Variants in CSMD1 observed in about 807,000 individuals in gnomAD.
The protein encoded by CSMD1 is CUB and Sushi multiple domains 1.
Under a neutral mutation model 417.5 loss-of-function variants are expected in CSMD1, and 213 were observed. That is an observed-to-expected ratio of 0.51 (90% CI 0.46 to 0.57). The LOEUF (loss-of-function observed/expected upper bound fraction) is 0.57. CSMD1 is among the 20% of genes least tolerant of loss of function. The pLI, the probability that CSMD1 is intolerant of heterozygous loss-of-function variation, is 0.00. For missense variants in CSMD1, 6,923 were observed against 4,529.7 expected, an observed-to-expected ratio of 1.53 and a Z score of -15.17; for synonymous variants, 2,862 against 1,736.8, an observed-to-expected ratio of 1.65 and a Z score of -16.11.
At chr8:4,098,417 G>C (rs192501442) in intron 3 of CSMD1, among the ~76,000 whole-genome samples, 2 of 151,598 alleles carry the variant, frequency 1.3e-5, no homozygotes, top group Admixed American at 1.3e-4. Flanking sequence ...TTTTTTCAGG[G>C]TCATGTTACA....
chr8:3,981,673 G>A (rs137948516), intron 5 of CSMD1, among the ~76,000 whole-genome samples: 9 of 151,822 alleles, frequency 5.9e-5, no homozygotes, highest in African/African-American at 2.2e-4. Context: ...TTCCTTCTTT[G>A]ACGTTAATTG....
At chr8:4,534,124 A>C (rs1160971222) in intron 2 of CSMD1, among the ~76,000 whole-genome samples, 1 of 152,188 alleles carries the variant, frequency 6.6e-6, no homozygotes, top group Non-Finnish European at 1.5e-5. Flanking sequence ...AAGCTATCTT[A>C]ATGGCATTTG....
At chr8:3,889,536 C>A (rs1806810113) in intron 5 of CSMD1, among the ~76,000 whole-genome samples, 1 of 99,340 alleles carries the variant, frequency 1.0e-5, no homozygotes, top group African/African-American at 3.2e-5. Context: ...TATATACATA[C>A]ACACATATGT....
chr8:3,814,062 G>T, intron 5 of CSMD1, among the ~76,000 whole-genome samples: 1 of 152,126 alleles, frequency 6.6e-6, no homozygotes. Context: ...TTATTATTCT[G>T]CAAAATGTGT....
intron 2 of CSMD1, among the ~76,000 whole-genome samples, chr8:4,493,215 C>CA (rs898893129): frequency 3.3e-5 from 5 of 151,894 alleles, no homozygotes; most frequent in Admixed American, 2.6e-4. Flanking sequence ...ATTGGAAGCA[C>CA]AAAAATATAT....
intron 26 of CSMD1, among the ~76,000 whole-genome samples, chr8:3,255,157 T>G (rs1241847965): frequency 6.6e-6 from 1 of 152,182 alleles, no homozygotes; most frequent in African/African-American, 2.4e-5. Flanking sequence ...TTTGCCTGGG[T>G]ATCAGTAGCA....
At chr8:4,449,869 T>C (rs926665034) in intron 2 of CSMD1, among the ~76,000 whole-genome samples, 4 of 152,150 alleles carry the variant, frequency 2.6e-5, no homozygotes, top group African/African-American at 9.7e-5. Context: ...CCCAGTTTCT[T>C]TACTTAGCAA....
chr8:3,373,039 T>C (rs1183567863), intron 18 of CSMD1, among the ~76,000 whole-genome samples: 1 of 152,244 alleles, frequency 6.6e-6, no homozygotes, highest in East Asian at 1.9e-4. Context: ...ATCACCATAA[T>C]GAATGTAAAA....
At position 3,294,219 on chromosome 8, in the gene CSMD1, G is replaced by T. The variant is rs183725307; in HGVS notation, c.3951-9873C>A. Among the ~76,000 whole-genome samples the T allele has an allele frequency of 1.8e-3, 233 of 130,348 alleles. 3 individuals carry two copies. In the East Asian group the frequency reaches 0.033, roughly 18 times the overall value. 85.5% of individuals were successfully genotyped at this position (130,348 alleles called of 152,430 possible). A position where few individuals can be genotyped will look rare whatever the true frequency, so the allele number is the denominator to read the frequency against. ...CTCAGAGTACCAGGCCGTGTGAGGTGTCTGTTGGCCCCTACTGGGGGGTGC... is the reference window on the plus strand; with the variant it reads ...CTCAGAGTACCAGGCCGTGTGAGGTTTCTGTTGGCCCCTACTGGGGGGTGC... On this transcript the variant is annotated intron_variant, in intron 25 of 69. Transcript: ENST00000635120.
chr8:3,116,002 C>A (rs10216830), intron 42 of CSMD1, among the ~76,000 whole-genome samples: 2,415 of 152,236 alleles, frequency 0.016, 60 homozygotes, highest in African/African-American at 0.054. Context: ...ACTGGGTTGT[C>A]AGCAGTGTTT....
intron 4 of CSMD1, among the ~76,000 whole-genome samples, chr8:4,021,382 T>C (rs1796781023): frequency 6.6e-6 from 1 of 152,216 alleles, no homozygotes; most frequent in East Asian, 1.9e-4. Flanking sequence ...GATTTTTAAC[T>C]TCATCTGTGG....
At chr8:4,312,056 T>C (rs1798613970) in intron 3 of CSMD1, among the ~76,000 whole-genome samples, 2 of 152,150 alleles carry the variant, frequency 1.3e-5, no homozygotes, top group South Asian at 2.1e-4. Context: ...CATTTCTAGC[T>C]AGTAAAGAAA....
chr8:4,722,792 G>C (rs1465946285), intron 1 of CSMD1, among the ~76,000 whole-genome samples: 1 of 152,262 alleles, frequency 6.6e-6, no homozygotes, highest in East Asian at 1.9e-4. Context: ...AATATTTCAG[G>C]AATACTTGTT....
chr8:4,185,904 C>T (rs1185234824), intron 3 of CSMD1, among the ~76,000 whole-genome samples: 2 of 152,124 alleles, frequency 1.3e-5, no homozygotes, highest in African/African-American at 4.8e-5. Context: ...TGTTTGTAAA[C>T]TGTTATTACG....
chr8:4,153,461 G>A (rs1320507243), intron 3 of CSMD1, among the ~76,000 whole-genome samples: 2 of 152,194 alleles, frequency 1.3e-5, no homozygotes, highest in African/African-American at 2.4e-5. Context: ...CAGTGGATAA[G>A]GTTCTGCAGC....
chr8:4,473,876 A>T (rs1800662095), intron 2 of CSMD1, among the ~76,000 whole-genome samples: 1 of 152,182 alleles, frequency 6.6e-6, no homozygotes, highest in Admixed American at 6.5e-5. Flanking sequence ...TTAATATATG[A>T]GAGAGGTAGC....
chr8:4,929,777 G>A (rs867720274), intron 1 of CSMD1, among the ~76,000 whole-genome samples: 1 of 152,184 alleles, frequency 6.6e-6, no homozygotes, highest in South Asian at 2.1e-4. Flanking sequence ...CACAGGAGAT[G>A]ATGGTGGGAG....
intron 3 of CSMD1, among the ~76,000 whole-genome samples, chr8:4,039,702 T>G (rs1797789333): frequency 6.6e-6 from 1 of 152,194 alleles, no homozygotes; most frequent in Non-Finnish European, 1.5e-5. Flanking sequence ...TAAATATACT[T>G]GAAGGTGGAA....
chr8:3,399,860 T>C (rs557359585), intron 15 of CSMD1, among the ~76,000 whole-genome samples: 3 of 152,336 alleles, frequency 2.0e-5, no homozygotes, highest in African/African-American at 4.8e-5. Context: ...TTTACATGCA[T>C]TTGGAATTTA....
Sources: gnomAD v4.1 joint callset for allele counts (sites outside exome capture counted in the v4.1 genomes callset) on GRCh38, gnomAD v4.1.1 for gene constraint, MANE v1.5 for transcripts, NCBI Gene and HGNC (gene_info 2026-07-23, HGNC 2026-07-21) for gene names.